DLGAP1: variants seen among roughly 807,000 people sequenced by gnomAD.
The protein encoded by DLGAP1 is disks large-associated protein 1.
DLGAP1 carries 11 observed loss-of-function variants against 90.8 expected under a neutral mutation model. The ratio of observed to expected loss-of-function variants is 0.12; its 90% CI spans 0.08 to 0.20. The LOEUF is 0.20. DLGAP1 is among the 10% of genes least tolerant of loss of function. The probability of loss-of-function intolerance (pLI) is 1.00; values close to 1 mark genes in which losing one functional copy is unlikely to be tolerated. For synonymous variants in DLGAP1, 558 were observed against 540.7 expected, an observed-to-expected ratio of 1.03 and a Z score of -0.44; for missense variants, 1,050 against 1,333.8, an observed-to-expected ratio of 0.79 and a Z score of 3.31.
intron 1 of DLGAP1, among the ~76,000 whole-genome samples, chr18:4,232,616 T>C (rs2078324127): frequency 6.6e-6 from 1 of 152,190 alleles, no homozygotes. Context: ...TACTATCAAC[T>C]TTAAAATCAG....
chr18:4,451,690 T>C (rs377311167), intron 1 of DLGAP1, among the ~76,000 whole-genome samples: 6 of 152,198 alleles, frequency 3.9e-5, no homozygotes, highest in African/African-American at 1.2e-4. Context: ...ACTGTAGTTA[T>C]TCCTCTCTGA....
intron 9 of DLGAP1, among the ~76,000 whole-genome samples, chr18:3,553,383 C>CT (rs2053581921): frequency 6.6e-6 from 1 of 151,992 alleles, no homozygotes; most frequent in Non-Finnish European, 1.5e-5. Flanking sequence ...TTATGGGCGA[C>CT]TTTATTTTAT....
At chr18:3,872,948 A>T (rs1599076445) in intron 4 of DLGAP1, among the ~76,000 whole-genome samples, 1 of 152,318 alleles carries the variant, frequency 6.6e-6, no homozygotes, top group South Asian at 2.1e-4. Context: ...TGAGATCAGA[A>T]AGTGTGTGTT....
At chr18:4,306,144 A>G (rs1250397377) in intron 1 of DLGAP1, among the ~76,000 whole-genome samples, 2 of 151,718 alleles carry the variant, frequency 1.3e-5, no homozygotes, top group Non-Finnish European at 2.9e-5. Context: ...TATCTGGAAA[A>G]CTGGTGGATA....
chr18:3,933,929 T>G (rs2072575699), intron 3 of DLGAP1, among the ~76,000 whole-genome samples: 1 of 152,106 alleles, frequency 6.6e-6, no homozygotes, highest in African/African-American at 2.4e-5. Flanking sequence ...AGTCATACTG[T>G]CAAAGGGCAT....
At chr18:4,411,160 A>G (rs538184115) in intron 1 of DLGAP1, among the ~76,000 whole-genome samples, 1 of 152,016 alleles carries the variant, frequency 6.6e-6, no homozygotes, top group African/African-American at 2.4e-5. Context: ...GGGCTCTCCA[A>G]CAAATTTTTT....
intron 4 of DLGAP1, among the ~76,000 whole-genome samples, chr18:3,824,022 T>C (rs748821407): frequency 1.3e-4 from 19 of 149,282 alleles, no homozygotes; most frequent in Non-Finnish European, 2.2e-4. Flanking sequence ...CCACTGACTA[T>C]ATAGGAGATA....
intron 4 of DLGAP1, among the ~76,000 whole-genome samples, chr18:3,833,734 T>C (rs1333604077): frequency 6.6e-6 from 1 of 152,230 alleles, no homozygotes; most frequent in African/African-American, 2.4e-5. Flanking sequence ...TTCTCATAGA[T>C]GAATCTACAA....
At chr18:4,183,154 T>C (rs2077236137) in intron 1 of DLGAP1, among the ~76,000 whole-genome samples, 1 of 152,174 alleles carries the variant, frequency 6.6e-6, no homozygotes, top group Admixed American at 6.6e-5. Flanking sequence ...ATTCTTGGCA[T>C]TTTGAATATG....
chr18:4,110,322 T>C (rs1021455608), intron 2 of DLGAP1, among the ~76,000 whole-genome samples: 5 of 152,226 alleles, frequency 3.3e-5, no homozygotes, highest in Non-Finnish European at 5.9e-5. Flanking sequence ...TATAGTCTTA[T>C]GGGACCACTA....
At chr18:4,066,174 G>A (rs7239481) in intron 2 of DLGAP1, among the ~76,000 whole-genome samples, 65,784 of 151,672 alleles carry the variant, frequency 0.43, 15,222 homozygotes, top group African/African-American at 0.6. Flanking sequence ...GATGGATTAA[G>A]GATTTAAATG....
Position 3,497,864 on chromosome 18 carries a change from T to A in DLGAP1, c.*1321A>T, listed in dbSNP as rs771764710. 1.3e-5 allele frequency: 2 copies of A among 152,228 alleles called. No individual in the cohort carries two copies. Among genetic ancestry groups the A allele is most frequent in the African/African-American group, 4.8e-5 (2 of 41,466 alleles). The allele number at this position is 152,228 out of a possible 1,614,324, so 9.4% of individuals were successfully genotyped here. On this transcript the variant is annotated 3_prime_UTR_variant, in exon 13 of 13. Transcript: ENST00000315677. ...AATCATGACTCCCCCCACCTCTTCA[T>A]GGCTGTTGACCCTGGCAGGTCGAGT...
intron 1 of DLGAP1, among the ~76,000 whole-genome samples, chr18:4,267,278 G>GC (rs113977439): frequency 0.025 from 3,876 of 152,198 alleles, 100 homozygotes; most frequent in African/African-American, 0.063. Context: ...TGTCTTACCT[G>GC]CCCACCTGTG....
At chr18:3,776,664 T>G (rs534782932) in intron 5 of DLGAP1, among the ~76,000 whole-genome samples, 19 of 152,328 alleles carry the variant, frequency 1.2e-4, no homozygotes, top group Non-Finnish European at 2.2e-4. Context: ...GACATTATGC[T>G]ATTTCTCTAA....
chr18:3,536,069 C>T (rs1437766210), intron 9 of DLGAP1, among the ~76,000 whole-genome samples: 1 of 151,862 alleles, frequency 6.6e-6, no homozygotes, highest in African/African-American at 2.4e-5. Context: ...CATAACCTAA[C>T]CTGGACCAAA....
intron 1 of DLGAP1, among the ~76,000 whole-genome samples, chr18:4,381,318 T>C (rs549338674): frequency 3.3e-5 from 5 of 152,240 alleles, no homozygotes; most frequent in South Asian, 2.1e-4. Context: ...TATTCAACAG[T>C]GAAGTGCATT....
intron 7 of DLGAP1, among the ~76,000 whole-genome samples, chr18:3,725,434 G>T (rs2062133757): frequency 6.6e-6 from 1 of 152,178 alleles, no homozygotes; most frequent in Admixed American, 6.5e-5. Flanking sequence ...AGGTCTGGGT[G>T]TATTTCCAGC....
At chr18:4,209,260 A>G (rs536379813) in intron 1 of DLGAP1, among the ~76,000 whole-genome samples, 1 of 152,328 alleles carries the variant, frequency 6.6e-6, no homozygotes, top group Admixed American at 6.5e-5. Flanking sequence ...GAGAGCTGCC[A>G]GGAAGACTGA....
At chr18:3,543,166 A>ATTTTTTTTTT (rs76751283) in intron 9 of DLGAP1, among the ~76,000 whole-genome samples, 5 of 64,114 alleles carry the variant, frequency 7.8e-5, no homozygotes, top group South Asian at 6.4e-4. Context: ...CATGACTCCA[A>ATTTTTTTTTT]TTTTTTTTTT....
Sources: allele counts gnomAD v4.1 joint callset (sites outside exome capture counted in the v4.1 genomes callset), GRCh38; gene constraint gnomAD v4.1.1; transcripts MANE v1.5; gene names NCBI Gene and HGNC (gene_info 2026-07-23, HGNC 2026-07-21).